Variants in COQ8B observed in about 807,000 individuals in gnomAD.
COQ8B encodes the protein atypical kinase COQ8B, mitochondrial.
In COQ8B, 44 loss-of-function variants were observed where a neutral mutation model predicts 62.0. The observed-to-expected ratio is 0.71, with a 90% CI of 0.56 to 0.91. The LOEUF is 0.91. COQ8B is among the 40% of genes least tolerant of loss of function. COQ8B has a pLI of 0.00. For synonymous variants in COQ8B, 252 were observed against 289.9 expected, an observed-to-expected ratio of 0.87 and a Z score of 1.33; for missense variants, 649 against 731.6, an observed-to-expected ratio of 0.89 and a Z score of 1.30.
At chr19:40,693,191 CCTGT>C (rs2081987710) in intron 13 of COQ8B, among the ~76,000 whole-genome samples, 154 bp from the exon 14 acceptor site, 1 of 152,256 alleles carries the variant, frequency 6.6e-6, no homozygotes, top group African/African-American at 2.4e-5. Flanking sequence ...CCCAACTTTG[CCTGT>C]CTGTGACTCC....
intron 5 of COQ8B, among the ~76,000 whole-genome samples, chr19:40,707,684 A>AC (rs2082111334): frequency 6.6e-6 from 1 of 152,004 alleles, no homozygotes; most frequent in Admixed American, 6.6e-5. Flanking sequence ...TGAACTCCTC[A>AC]CCTCAGGTGA....
intron 9 of COQ8B, among the ~76,000 whole-genome samples, chr19:40,703,073 C>T (rs1257455142): frequency 2.6e-5 from 4 of 152,142 alleles, no homozygotes; most frequent in African/African-American, 4.8e-5. Flanking sequence ...TTCAGAGTCA[C>T]GCCTGCCTCT....
intron 13 of COQ8B, among the ~76,000 whole-genome samples, chr19:40,694,404 G>C (rs185630619): frequency 6.6e-6 from 1 of 152,342 alleles, no homozygotes; most frequent in Admixed American, 6.5e-5. Context: ...AGGGCACCTG[G>C]ATACAGTACG....
At chr19:40,707,821 TG>T (rs1330369199) in intron 5 of COQ8B, among the ~76,000 whole-genome samples, 1 of 152,236 alleles carries the variant, frequency 6.6e-6, no homozygotes, top group Non-Finnish European at 1.5e-5. Context: ...TTTTTATGGC[TG>T]GATAATATTC....
intron 7 of COQ8B, chr19:40,704,070 A>G: frequency 1.8e-6 from 1 of 567,674 alleles, no homozygotes; most frequent in Non-Finnish European, 3.0e-6. Context: ...GGCTCAGCCT[A>G]GCCTGTGTCC....
At chr19:40,692,460 C>G (rs1040663633) in intron 14 of COQ8B, 87 bp from the exon 15 acceptor site, 3 of 1,166,834 alleles carry the variant, frequency 2.6e-6, no homozygotes, top group Non-Finnish European at 3.6e-6. Context: ...GTAGCCTCCA[C>G]TCCCTCCAGT....
At chr19:40,705,563 G>A (rs1261689891) in intron 5 of COQ8B, 116 bp from the exon 6 acceptor site, 1 of 1,197,612 alleles carries the variant, frequency 8.3e-7, no homozygotes, top group East Asian at 2.6e-5. Flanking sequence ...ATGAACACAG[G>A]AGTCTGAGAC....
Position 40,703,631 on chromosome 19 carries a change from GGAGAAGGGAGGGA to G in COQ8B, c.718-22_718-10del. The G allele has an allele frequency of 6.2e-7, 1 of 1,613,200 alleles. No homozygotes were observed. Among genetic ancestry groups the G allele is most frequent in the Non-Finnish European group, 8.5e-7 (1 of 1,179,448 alleles). Reference sequence around the variant, plus strand: ...TGGGCTATGCCGGGGTACTGTAAAGGGAGAAGGGAGGGAGAGAAGGTGGGAGTCACTTCTCTGG... The same window carrying G: ...TGGGCTATGCCGGGGTACTGTAAAGGGAGAAGGTGGGAGTCACTTCTCTGG... On this transcript the variant is annotated splice_polypyrimidine_tract_variant and intron_variant, in intron 8 of 14. Coordinates refer to ENST00000324464, the MANE Select transcript of COQ8B (RefSeq NM_024876.4).
At chr19:40,713,933 G>A in intron 4 of COQ8B, 134 bp downstream of exon 4, 4 of 933,168 alleles carry the variant, frequency 4.3e-6, no homozygotes, top group South Asian at 1.6e-5. Context: ...TGGCCTTGCA[G>A]GCCCTTGCCT....
intron 12 of COQ8B, among the ~76,000 whole-genome samples, chr19:40,697,875 G>GAGAGAGAGAGGGAGAGAGAC (rs58313890): frequency 2.9e-5 from 3 of 103,470 alleles, no homozygotes; most frequent in African/African-American, 8.5e-5. Flanking sequence ...GAGAGAGAGA[G>GAGAGAGAGAGGGAGAGAGAC]AGTTTCTACT....
chr19:40,709,627 T>C (rs2144710698), intron 5 of COQ8B, among the ~76,000 whole-genome samples: 1 of 152,208 alleles, frequency 6.6e-6, no homozygotes, highest in East Asian at 1.9e-4. Context: ...GGGTGGATCA[T>C]GAGGTCAGGA....
intron 4 of COQ8B, among the ~76,000 whole-genome samples, chr19:40,711,445 A>C (rs1025493371): frequency 6.6e-6 from 1 of 152,112 alleles, no homozygotes; most frequent in Non-Finnish European, 1.5e-5. Context: ...GCTGGTCTGG[A>C]ACTCCAGAAC....
At chr19:40,709,287 T>G (rs1272937482) in intron 5 of COQ8B, among the ~76,000 whole-genome samples, 1 of 152,260 alleles carries the variant, frequency 6.6e-6, no homozygotes, top group African/African-American at 2.4e-5. Flanking sequence ...TGATATGCAA[T>G]CATGGTTCAG....
Position 40,705,227 on chromosome 19 carries a change from G to C in COQ8B, c.491-46C>G, listed in dbSNP as rs59062602. 632 of 1,605,914 alleles carry C rather than the reference G, an allele frequency of 3.9e-4. 4 individuals are homozygous for C. In the African/African-American group the frequency reaches 7.6e-3, roughly 19 times the overall value. ...GGGGGGAAGTAAGCGAAGAGGTGAG[G>C]AGGGACCCCGTGTGAGTATCTGAAG... On this transcript the variant is annotated intron_variant, in intron 6 of 14. Coordinates refer to ENST00000324464, the MANE Select transcript of COQ8B (RefSeq NM_024876.4).
chr19:40,714,606 A>C lies in COQ8B; in HGVS notation c.27T>G (p.Leu9=), dbSNP rs923684465. The stretch of plus-strand genomic sequence containing the variant: ...GGCCCAGCTGTCCACCGGTCCCCCG[A>C]AGTAGGCCCCCCACCTTCAGCCACA... MWLKVGGL[L]RGTGGQLGQT... Residue 9 remains leucine, a synonymous_variant, in exon 2 of 15, where the codon CTT becomes CTG. Transcript: ENST00000324464. The C allele has an allele frequency of 6.2e-7, 1 of 1,608,780 alleles. No individual in the cohort carries two copies. Among genetic ancestry groups the C allele is most frequent in the African/African-American group, 1.3e-5 (1 of 74,432 alleles).
In COQ8B at chr19:40,705,183, T is replaced by C. The variant is rs56096945; in HGVS notation, c.491-2A>G. 1.2e-6 allele frequency: 2 copies of C among 1,613,156 alleles called. No individual in the cohort carries two copies. Among genetic ancestry groups the C allele is most frequent in the Non-Finnish European group, 1.7e-6 (2 of 1,179,538 alleles). Reference sequence around the variant, plus strand: ...GCTGAGGGCTGATGAAGCTGTTGTCTTGGGAGACAGTGGAACCAGGGGGGA... The same window carrying C: ...GCTGAGGGCTGATGAAGCTGTTGTCCTGGGAGACAGTGGAACCAGGGGGGA... On this transcript the variant is annotated splice_acceptor_variant, in intron 6 of 14. Transcript: ENST00000324464. LOFTEE classifies it high-confidence loss of function.
At position 40,700,082 on chromosome 19, in the gene COQ8B, A is replaced by G. The variant is rs1361328591; in HGVS notation, c.1128T>C (p.Asp376=). ...TDPNWANFLY[D]ASSHQVTLLD... ...AGGAACCAACCTGGTGGCTGGAGGC[A>G]TCATACAGGAAGTTGGCCCAGTTGG... Residue 376 remains aspartate (D), a synonymous_variant, in exon 12 of 15, where the codon GAT becomes GAC. Coordinates refer to ENST00000324464, the MANE Select transcript of COQ8B (RefSeq NM_024876.4). The G allele has an allele frequency of 6.2e-7, 1 of 1,614,120 alleles. No individual in the cohort carries two copies. The highest frequency in any genetic ancestry group is 1.3e-5 in the African/African-American group (1 of 74,948).
intron 1 of COQ8B, 122 bp from the exon 2 acceptor site, chr19:40,714,757 T>C (rs2082171788): frequency 2.3e-6 from 3 of 1,295,726 alleles, no homozygotes; most frequent in South Asian, 1.6e-5. Flanking sequence ...CCACTATTAA[T>C]AGATTCCCAC....
rs776070003 is a variant in COQ8B, at chr19:40,692,247, G to T, written c.1423C>A (p.Arg475=). Residue 475 remains arginine (R), a synonymous_variant, in exon 15 of 15, where the codon CGG becomes AGG. Coordinates refer to ENST00000324464, the MANE Select transcript of COQ8B (RefSeq NM_024876.4). ...TCGGGTGGGGGACACAGCCGGTGCC[G>T]CAGCAGCACCGGGATGAGGTCCTGT... ...RIQDLIPVLL[R]HRLCPPPEET... is the part of the protein sequence containing the mutation. 1.9e-5 allele frequency: 31 copies of T among 1,612,032 alleles called. No homozygotes were observed. Among genetic ancestry groups the T allele is most frequent in the Non-Finnish European group, 2.5e-5 (30 of 1,179,100 alleles).
Sources: allele counts gnomAD v4.1 joint callset (sites outside exome capture counted in the v4.1 genomes callset), GRCh38; gene constraint gnomAD v4.1.1; transcripts MANE v1.5; gene names NCBI Gene and HGNC (gene_info 2026-07-23, HGNC 2026-07-21).